Variants in DLG2 observed in about 807,000 individuals in gnomAD.
The protein encoded by DLG2 is discs large MAGUK scaffold protein 2, also known as disks large homolog 2.
DLG2 carries 45 observed loss-of-function variants against 132.5 expected under a neutral mutation model. The observed-to-expected ratio is 0.34, with a 90% CI of 0.27 to 0.44. The LOEUF (loss-of-function observed/expected upper bound fraction) is 0.44, where lower values mean the gene tolerates loss of function less well. Among genes scored for constraint, DLG2 ranks in the 20% least tolerant of loss-of-function variants. DLG2 has a pLI of 1.00. For synonymous variants in DLG2, 424 were observed against 419.6 expected, an observed-to-expected ratio of 1.01 and a Z score of -0.13; for missense variants, 1,045 against 1,196.9, an observed-to-expected ratio of 0.87 and a Z score of 1.87.
At chr11:85,062,168 C>A (rs193230031) in intron 6 of DLG2, among the ~76,000 whole-genome samples, 93 of 151,812 alleles carry the variant, frequency 6.1e-4, no homozygotes, top group African/African-American at 2.2e-3. Context: ...ATTCTATATA[C>A]TTATAATGCT....
At chr11:84,330,270 T>C (rs1462295555) in intron 7 of DLG2, among the ~76,000 whole-genome samples, 1 of 152,236 alleles carries the variant, frequency 6.6e-6, no homozygotes, top group Non-Finnish European at 1.5e-5. Flanking sequence ...CCTAAACTTA[T>C]TTTCTCAAAT....
At chr11:84,309,683 A>C (rs1016458259) in intron 7 of DLG2, among the ~76,000 whole-genome samples, 21 of 152,246 alleles carry the variant, frequency 1.4e-4, no homozygotes, top group African/African-American at 4.3e-4. Context: ...AAGAGATCAA[A>C]TAATATCAGA....
At chr11:84,141,495 AT>A (rs1241865855) in intron 9 of DLG2, among the ~76,000 whole-genome samples, 1 of 152,136 alleles carries the variant, frequency 6.6e-6, no homozygotes, top group African/African-American at 2.4e-5. Flanking sequence ...ACTAGTTTTT[AT>A]CCTTTGTCTT....
chr11:84,401,741 G>T (rs376215703), intron 7 of DLG2, among the ~76,000 whole-genome samples: 1 of 152,064 alleles, frequency 6.6e-6, no homozygotes, highest in Admixed American at 6.6e-5. Context: ...TTTTAGCAGC[G>T]ATGTCATCTT....
intron 5 of DLG2, among the ~76,000 whole-genome samples, chr11:85,118,846 T>C (rs775169498): frequency 1.1e-4 from 17 of 152,054 alleles, no homozygotes; most frequent in Non-Finnish European, 1.9e-4. Flanking sequence ...GTGGAAAAAA[T>C]AAAACCTAGC....
At position 84,153,058 on chromosome 11, in the gene DLG2, G is replaced by A. The variant is rs146401780; in HGVS notation, c.624+10403C>T. On this transcript the variant is annotated intron_variant, in intron 9 of 27. Coordinates refer to ENST00000376104, the MANE Select transcript of DLG2 (RefSeq NM_001142699.3). ...ATCTGGTGGTAACAAATTCCCTTACGCTTGTCTGGAAAGGATTTTATTTCT... is the reference window on the plus strand; with the variant it reads ...ATCTGGTGGTAACAAATTCCCTTACACTTGTCTGGAAAGGATTTTATTTCT... Among the ~76,000 whole-genome samples the A allele has an allele frequency of 7.6e-4, 115 of 152,152 alleles. 1 individual carries two copies. The highest frequency in any genetic ancestry group is 2.3e-3 in the African/African-American group (96 of 41,518).
chr11:84,777,301 A>ATATATATATATATT (rs2070793467), intron 6 of DLG2, among the ~76,000 whole-genome samples: 2 of 131,158 alleles, frequency 1.5e-5, no homozygotes, highest in African/African-American at 5.6e-5. Context: ...ATATATATAT[A>ATATATATATATATT]TATATATATA....
chr11:85,014,881 C>A (rs1189257985), intron 6 of DLG2, among the ~76,000 whole-genome samples: 1 of 152,218 alleles, frequency 6.6e-6, no homozygotes, highest in Non-Finnish European at 1.5e-5. Flanking sequence ...TCTCCAAGCT[C>A]TGTGAGGGCC....
intron 3 of DLG2, among the ~76,000 whole-genome samples, chr11:85,387,547 A>C (rs974702940): frequency 6.6e-6 from 1 of 152,228 alleles, no homozygotes; most frequent in Non-Finnish European, 1.5e-5. Context: ...GTCAGCTGAC[A>C]AATGACCAGT....
chr11:84,304,389 A>G (rs1445842344), intron 7 of DLG2, among the ~76,000 whole-genome samples: 2 of 152,204 alleles, frequency 1.3e-5, no homozygotes, highest in African/African-American at 4.8e-5. Context: ...TGAGAGCTCA[A>G]ATGAAAGGAT....
chr11:85,563,325 T>C (rs1351258427), intron 3 of DLG2, among the ~76,000 whole-genome samples: 3 of 151,686 alleles, frequency 2.0e-5, no homozygotes, highest in African/African-American at 7.2e-5. Context: ...ATATAGAGCA[T>C]TTCCATAACT....
rs183604824 is a variant in DLG2, at chr11:84,082,343, A to T, written c.749+16580T>A. ...GTATAATAAATAGAGGCTTTTAGTG[A>T]TAAGGTTGTGAATGATTCTAATTTA... On this transcript the variant is annotated intron_variant, in intron 10 of 27. Transcript: ENST00000376104. Among the ~76,000 whole-genome samples, 56 of 152,304 alleles carry T rather than the reference A, an allele frequency of 3.7e-4. 1 individual carries two copies. In the East Asian group the frequency reaches 0.011, roughly 29 times the overall value.
At chr11:83,585,264 A>C (rs1383461659) in intron 19 of DLG2, among the ~76,000 whole-genome samples, 1 of 152,238 alleles carries the variant, frequency 6.6e-6, no homozygotes, top group Non-Finnish European at 1.5e-5. Flanking sequence ...GGTTAAGATC[A>C]GTTCCCCAAC....
intron 7 of DLG2, among the ~76,000 whole-genome samples, chr11:84,448,753 T>G (rs2099042940): frequency 6.6e-6 from 1 of 152,098 alleles, no homozygotes; most frequent in Admixed American, 6.5e-5. Flanking sequence ...GTAATTACTT[T>G]GAGCTTATGT....
intron 3 of DLG2, among the ~76,000 whole-genome samples, chr11:85,536,705 C>T (rs928280159): frequency 2.0e-5 from 3 of 152,232 alleles, no homozygotes; most frequent in Non-Finnish European, 2.9e-5. Context: ...TGGCAAGCCC[C>T]GCACTCAGGG....
intron 6 of DLG2, among the ~76,000 whole-genome samples, chr11:84,565,107 A>C: frequency 6.6e-6 from 1 of 152,306 alleles, no homozygotes; most frequent in Middle Eastern, 3.4e-3. Context: ...AAACTCAAAA[A>C]TAAAAATAAA....
intron 6 of DLG2, among the ~76,000 whole-genome samples, chr11:84,780,124 C>T (rs938159893): frequency 6.6e-6 from 1 of 151,890 alleles, no homozygotes; most frequent in Non-Finnish European, 1.5e-5. Context: ...AACAAAGATG[C>T]AAAAATCTTT....
chr11:85,378,662 A>T (rs939540650), intron 3 of DLG2, among the ~76,000 whole-genome samples: 6 of 152,160 alleles, frequency 3.9e-5, no homozygotes, highest in Non-Finnish European at 7.4e-5. Context: ...GCTATTTTAC[A>T]TTAAATCACC....
At chr11:85,510,781 A>C (rs1240126814) in intron 3 of DLG2, among the ~76,000 whole-genome samples, 1 of 152,172 alleles carries the variant, frequency 6.6e-6, no homozygotes, top group Non-Finnish European at 1.5e-5. Flanking sequence ...GTGGGACTGT[A>C]AACTAGTTCA....
Sources: gnomAD v4.1 joint callset for allele counts (sites outside exome capture counted in the v4.1 genomes callset) on GRCh38, gnomAD v4.1.1 for gene constraint, MANE v1.5 for transcripts, NCBI Gene and HGNC (gene_info 2026-07-23, HGNC 2026-07-21) for gene names.